GALNT18: variants seen among roughly 807,000 people sequenced by gnomAD.
GALNT18 encodes the protein polypeptide N-acetylgalactosaminyltransferase 18.
In GALNT18, 44 loss-of-function variants were observed where a neutral mutation model predicts 69.5. That is an observed-to-expected ratio of 0.63 (90% CI 0.50 to 0.81). The LOEUF is 0.81. Ranked by LOEUF, GALNT18 falls within the 40% of genes least tolerant of loss-of-function variation. GALNT18 has a pLI of 0.00. For missense variants in GALNT18, 715 were observed against 810.0 expected (o/e 0.88, Z 1.42); for synonymous variants, 364 against 318.2 (o/e 1.14, Z -1.53).
Position 11,448,737 on chromosome 11 carries a change from T to A in GALNT18, c.428+7A>T. Reference sequence around the variant, plus strand: ...TCGACAAGGGCCCAGTCACTGACTCTGCTCACCCACTGGGTCTGAGGTCAG... The same window carrying A: ...TCGACAAGGGCCCAGTCACTGACTCAGCTCACCCACTGGGTCTGAGGTCAG... On this transcript the variant is annotated splice_region_variant and intron_variant, in intron 2 of 10. Coordinates refer to ENST00000227756, the MANE Select transcript of GALNT18 (RefSeq NM_198516.3). The A allele has an allele frequency of 6.2e-7, 1 of 1,606,336 alleles. No individual in the cohort carries two copies.
chr11:11,443,488 T>C (rs867336532), intron 2 of GALNT18, among the ~76,000 whole-genome samples: 1 of 152,092 alleles, frequency 6.6e-6, no homozygotes, highest in Non-Finnish European at 1.5e-5. Context: ...TGATGTTTCC[T>C]TTTCCTCTTC....
intron 3 of GALNT18, among the ~76,000 whole-genome samples, chr11:11,405,145 T>C (rs1854561904): frequency 6.6e-6 from 1 of 152,140 alleles, no homozygotes; most frequent in Admixed American, 6.6e-5. Flanking sequence ...CCACTCTTAT[T>C]TCTCTCCACT....
intron 3 of GALNT18, among the ~76,000 whole-genome samples, chr11:11,411,459 T>C (rs1012088848): frequency 1.3e-5 from 2 of 152,348 alleles, no homozygotes; most frequent in East Asian, 1.9e-4. Flanking sequence ...CAGAATCTAG[T>C]ACAGCTCTGG....
intron 1 of GALNT18, among the ~76,000 whole-genome samples, chr11:11,488,644 A>G (rs1856692929): frequency 6.6e-6 from 1 of 152,128 alleles, no homozygotes. Flanking sequence ...AAATTTCTGT[A>G]TTTGGTTCCA....
chr11:11,553,298 T>C (rs1291987257), intron 1 of GALNT18, among the ~76,000 whole-genome samples: 1 of 152,182 alleles, frequency 6.6e-6, no homozygotes, highest in African/African-American at 2.4e-5. Flanking sequence ...TGAGTAAACC[T>C]TCCCACCTGC....
chr11:11,477,238 C>T (rs981206402), intron 1 of GALNT18, among the ~76,000 whole-genome samples: 8 of 152,318 alleles, frequency 5.3e-5, no homozygotes, highest in African/African-American at 1.9e-4. Context: ...AGGCATCCTG[C>T]CCAGGAAGGC....
In GALNT18 at chr11:11,456,775, T is replaced by G. The variant is rs117293433; in HGVS notation, c.236-7839A>C. Among the ~76,000 whole-genome samples the G allele has an allele frequency of 8.2e-3, 1,242 of 152,322 alleles. 8 individuals carry two copies. The highest frequency in any genetic ancestry group is 0.012 in the Non-Finnish European group (823 of 68,016). ...GCTTCCCCATGATCATGCCCAGTCC[T>G]TATTGTGCATGACTGTTTTTCAAAA... On this transcript the variant is annotated intron_variant, in intron 1 of 10. Transcript: ENST00000227756.
intron 1 of GALNT18, among the ~76,000 whole-genome samples, chr11:11,493,623 A>G (rs1856816628): frequency 6.6e-6 from 1 of 152,206 alleles, no homozygotes. Context: ...CAAAATAGAA[A>G]TGATGTTATC....
At chr11:11,363,276 A>G (rs775465400) in intron 6 of GALNT18, among the ~76,000 whole-genome samples, 2 of 152,204 alleles carry the variant, frequency 1.3e-5, no homozygotes, top group Non-Finnish European at 2.9e-5. Flanking sequence ...ATATGACTAT[A>G]AACATTTAAA....
Position 11,564,639 on chromosome 11 carries a change from G to A in GALNT18, c.235+56720C>T, listed in dbSNP as rs1272442678. ...CCAGAACAAATTGGTAGCTAATGAT[G>A]TTGGTTGGAATTTAATACCAACTTA... On this transcript the variant is annotated intron_variant, in intron 1 of 10. Transcript: ENST00000227756. This position sits in a 1 kb window ranked among gnomAD's most constrained non-coding sequence, Gnocchi z 4.3. Among the ~76,000 whole-genome samples the A allele has an allele frequency of 3.3e-5, 5 of 152,128 alleles. No homozygotes were observed. The highest frequency in any genetic ancestry group is 7.3e-5 in the Non-Finnish European group (5 of 68,028).
At chr11:11,395,756 G>A (rs576327631) in intron 3 of GALNT18, among the ~76,000 whole-genome samples, 105 of 152,344 alleles carry the variant, frequency 6.9e-4, no homozygotes, top group African/African-American at 2.5e-3. Context: ...ACAAGCAGCA[G>A]AGCCGAAATG....
chr11:11,521,330 G>A (rs1451985116), intron 1 of GALNT18, among the ~76,000 whole-genome samples: 2 of 152,088 alleles, frequency 1.3e-5, no homozygotes, highest in Admixed American at 6.6e-5. Flanking sequence ...AAAGTCTGTC[G>A]GGAGCTCTGG....
At position 11,474,695 on chromosome 11, in the gene GALNT18, G is replaced by C. The variant is rs1856350330; in HGVS notation, c.236-25759C>G. On this transcript the variant is annotated intron_variant, in intron 1 of 10. Coordinates refer to ENST00000227756, the MANE Select transcript of GALNT18 (RefSeq NM_198516.3). ...GGATTCATTCATTCAACAATCATTG[G>C]AGATCAAGAAATCTGAAGGCCAAGG... 2.0e-5 allele frequency among the ~76,000 whole-genome samples: 3 copies of C among 152,206 alleles called. No individual in the cohort carries two copies. In the South Asian group the frequency reaches 6.2e-4, roughly 31 times the overall value.
intron 1 of GALNT18, among the ~76,000 whole-genome samples, chr11:11,615,962 C>T (rs759972598): frequency 6.6e-6 from 1 of 152,146 alleles, no homozygotes. Context: ...GTAAAATACA[C>T]AAATCACAAA....
chr11:11,420,806 G>T (rs913858702), intron 3 of GALNT18, among the ~76,000 whole-genome samples: 3 of 152,108 alleles, frequency 2.0e-5, no homozygotes, highest in Admixed American at 6.5e-5. Context: ...TGGCAACAGG[G>T]CCCCTCAGAG....
At position 11,389,012 on chromosome 11, in the gene GALNT18, G is replaced by A. The variant is rs1274292186; in HGVS notation, c.596-9748C>T. The stretch of plus-strand genomic sequence containing the variant: ...TCTGTTCCATAGATGAGGAAACACA[G>A]CCCAGAGAGGCTAAAGGATTTGCCC... On this transcript the variant is annotated intron_variant, in intron 3 of 10. Coordinates refer to ENST00000227756, the MANE Select transcript of GALNT18 (RefSeq NM_198516.3). This position sits in a 1 kb window ranked among gnomAD's most constrained non-coding sequence, Gnocchi z 4.3. 6.6e-6 allele frequency among the ~76,000 whole-genome samples: 1 copy of A among 152,178 alleles called. No individual in the cohort carries two copies. The highest frequency in any genetic ancestry group is 1.5e-5 in the Non-Finnish European group (1 of 68,042).
rs1008997397 is a variant in GALNT18, at chr11:11,541,984, C to T, written c.235+79375G>A. On this transcript the variant is annotated intron_variant, in intron 1 of 10. Coordinates refer to ENST00000227756, the MANE Select transcript of GALNT18 (RefSeq NM_198516.3). This position sits in a 1 kb window ranked among gnomAD's most constrained non-coding sequence, Gnocchi z 4.8. ...CCAAACCCAGGAGGAGCTTCACCCC[C>T]ACCCTTCAGAAGACCCCAGAGACCC... is the stretch of plus-strand genomic sequence containing the variant. Among the ~76,000 whole-genome samples, 2 of 152,130 alleles carry T rather than the reference C, an allele frequency of 1.3e-5. No individual in the cohort carries two copies. The highest frequency in any genetic ancestry group is 4.8e-5 in the African/African-American group (2 of 41,432).
intron 6 of GALNT18, among the ~76,000 whole-genome samples, chr11:11,355,280 A>G (rs1850506881): frequency 6.6e-6 from 1 of 152,144 alleles, no homozygotes; most frequent in African/African-American, 2.4e-5. Context: ...TGACTTTCTG[A>G]TACTTACACT....
At chr11:11,360,838 GA>G (rs1018051703) in intron 6 of GALNT18, among the ~76,000 whole-genome samples, 2 of 151,468 alleles carry the variant, frequency 1.3e-5, no homozygotes, top group African/African-American at 4.8e-5. Context: ...ATTGATTGGA[GA>G]AAAAAAAGTA....
Sources: gnomAD v4.1 joint callset for allele counts (sites outside exome capture counted in the v4.1 genomes callset) on GRCh38, gnomAD v4.1.1 for gene constraint, Gnocchi (gnomAD v3.1) non-coding constraint, MANE v1.5 for transcripts, NCBI Gene and HGNC (gene_info 2026-07-23, HGNC 2026-07-21) for gene names.